The following NCOR2 variants were observed in gnomAD, a reference collection of about 807,000 sequenced individuals.
The protein encoded by NCOR2 is nuclear receptor corepressor 2.
Under a neutral mutation model 262.9 loss-of-function variants are expected in NCOR2, and 81 were observed. The ratio of observed to expected loss-of-function variants is 0.31; its 90% confidence interval spans 0.26 to 0.37. NCOR2 has a LOEUF of 0.37. NCOR2 is among the 10% of genes least tolerant of loss of function. NCOR2 has a pLI of 1.00. For missense variants in NCOR2, 3,385 were observed against 3,621.4 expected (o/e 0.93, Z 1.68); for synonymous variants, 1,659 against 1,559.3 (o/e 1.06, Z -1.51).
At chr12:124,326,468 G>A in intron 45 of NCOR2, 98 bp from the exon 48 acceptor site, 1 of 1,193,482 alleles carries the variant, frequency 8.4e-7, no homozygotes, top group Non-Finnish European at 1.1e-6. Context: ...CCTGCCATGG[G>A]CCCTCCAAAG....
At chr12:124,391,479 A>G (rs1438836523) in intron 16 of NCOR2, among the ~76,000 whole-genome samples, 3 of 135,508 alleles carry the variant, frequency 2.2e-5, no homozygotes, top group Non-Finnish European at 4.8e-5. Flanking sequence ...CCACTTCCTC[A>G]TTTCAGAAAC....
At position 124,482,612 on chromosome 12, in the gene NCOR2, G is replaced by A. The variant is rs760784364; in HGVS notation, c.411+984C>T. Among the ~76,000 whole-genome samples the A allele has an allele frequency of 9.2e-5, 14 of 152,214 alleles. No individual in the cohort carries two copies. The highest frequency in any genetic ancestry group is 1.8e-4 in the Non-Finnish European group (12 of 68,034). On this transcript the variant is annotated intron_variant, in intron 3 of 46. Coordinates refer to ENST00000405201, the Ensembl canonical transcript of NCOR2. The surrounding 1 kb of genome is among the most constrained non-coding windows in gnomAD (Gnocchi z 6.3). The stretch of plus-strand genomic sequence containing the variant: ...CAGTGAGGAAGAAATGGGGATCAGA[G>A]AGGCACAAAGGCAGCACAGCTGTGG...
chr12:124,512,073 G>A (rs192470916), intron 1 of NCOR2, among the ~76,000 whole-genome samples: 72 of 152,208 alleles, frequency 4.7e-4, no homozygotes, highest in Middle Eastern at 3.4e-3. Context: ...CACCACATCC[G>A]GCTAATTTTT....
chr12:124,509,982 A>C (rs1258889059), intron 1 of NCOR2, among the ~76,000 whole-genome samples: 1 of 152,010 alleles, frequency 6.6e-6, no homozygotes, highest in Non-Finnish European at 1.5e-5. Context: ...GTGCTGATAA[A>C]CCTAGGCCAG....
chr12:124,546,919 G>A (rs2051562547), intron 1 of NCOR2, among the ~76,000 whole-genome samples: 1 of 152,194 alleles, frequency 6.6e-6, no homozygotes, highest in South Asian at 2.1e-4. Context: ...TTATCTGACT[G>A]AACAATGGCC....
chr12:124,475,336 C>A (rs1298201375), intron 3 of NCOR2, among the ~76,000 whole-genome samples: 3 of 150,692 alleles, frequency 2.0e-5, no homozygotes, highest in Non-Finnish European at 4.4e-5. Context: ...TCTGCACACC[C>A]CATGAAGTCC....
chr12:124,478,574 C>T (rs1441543051), intron 3 of NCOR2, among the ~76,000 whole-genome samples: 1 of 152,134 alleles, frequency 6.6e-6, no homozygotes, highest in African/African-American at 2.4e-5. Context: ...CCTCTCAACT[C>T]GCTCTCCCAG....
At chr12:124,390,478 A>ACCCCCC (rs34149760) in intron 16 of NCOR2, among the ~76,000 whole-genome samples, 9 of 121,206 alleles carry the variant, frequency 7.4e-5, no homozygotes, top group African/African-American at 2.7e-4. Flanking sequence ...CTCCAAAGTG[A>ACCCCCC]CCCCCCCCCG....
intron 1 of NCOR2, among the ~76,000 whole-genome samples, chr12:124,545,086 T>G (rs774267252): frequency 6.6e-6 from 1 of 151,956 alleles, no homozygotes; most frequent in Non-Finnish European, 1.5e-5. Flanking sequence ...CAGTGCTCAG[T>G]TGAAGCTCAC....
rs1285562030 is a variant in NCOR2 at position 124,549,436 on chromosome 12, C to A, written c.-164-13825G>T. Among the ~76,000 whole-genome samples the A allele has an allele frequency of 6.6e-6, 1 of 152,158 alleles. No homozygotes were observed. Among genetic ancestry groups the A allele is most frequent in the Non-Finnish European group, 1.5e-5 (1 of 68,014 alleles). On this transcript the variant is annotated intron_variant, in intron 1 of 32. Coordinates refer to the NCOR2 transcript ENST00000458234. This position sits in a 1 kb window ranked among gnomAD's most constrained non-coding sequence, Gnocchi z 4.4. ...AATCCCCCTAGGGATCTCTGCTGAGCTGGCTCCTTGGGGGCCTGGGGAGGA... is the reference window on the plus strand; with the variant it reads ...AATCCCCCTAGGGATCTCTGCTGAGATGGCTCCTTGGGGGCCTGGGGAGGA...
At chr12:124,398,284 T>C in intron 15 of NCOR2, 103 bp from the exon 18 acceptor site, 1 of 1,280,940 alleles carries the variant, frequency 7.8e-7, no homozygotes, top group Non-Finnish European at 1.1e-6. Flanking sequence ...GACCAGGCCT[T>C]GACGGTGTCA....
Position 124,457,184 on chromosome 12 carries a change from G to T in NCOR2, c.706-22C>A. Reference sequence around the variant, plus strand: ...TCTTCTGCAGGGTGATGGCGAAGAGGAGGAATTTTTTTAAAAAACAAAAAA... The same window carrying T: ...TCTTCTGCAGGGTGATGGCGAAGAGTAGGAATTTTTTTAAAAAACAAAAAA... On this transcript the variant is annotated intron_variant, in intron 5 of 46. Transcript: ENST00000405201. The surrounding 1 kb of genome is among the most constrained non-coding windows in gnomAD (Gnocchi z 4.0). 1 of 1,535,862 alleles carries T rather than the reference G, an allele frequency of 6.5e-7. No homozygotes were observed. The highest frequency in any genetic ancestry group is 1.3e-5 in the South Asian group (1 of 79,844).
At chr12:124,383,451 G>A (rs946996614) in intron 17 of NCOR2, 78 of 759,254 alleles carry the variant, frequency 1.0e-4, no homozygotes, top group Non-Finnish European at 1.4e-4. Context: ...ACTCAACAGG[G>A]TGCCTTAAGC....
chr12:124,540,388 A>C (rs915702431), upstream of NCOR2, among the ~76,000 whole-genome samples: 10 of 132,524 alleles, frequency 7.5e-5, no homozygotes, highest in African/African-American at 2.9e-4. Flanking sequence ...GGGTTAGAGA[A>C]GCTGGGGCAG....
chr12:124,456,930 C>T (rs2045903885), intron 6 of NCOR2, among the ~76,000 whole-genome samples, 176 bp downstream of exon 8: 1 of 151,918 alleles, frequency 6.6e-6, no homozygotes, highest in African/African-American at 2.4e-5. Flanking sequence ...CCCGCCCACC[C>T]GCTATCTGCC....
chr12:124,356,815 A>G, intron 22 of NCOR2, 33 bp from the exon 25 acceptor site: 1 of 1,443,608 alleles, frequency 6.9e-7, no homozygotes, highest in Non-Finnish European at 9.1e-7. Flanking sequence ...TGCTGAGGGC[A>G]GGAGGTGGGG....
rs1275148604 is a variant in NCOR2, at chr12:124,472,957, T to G, written c.586A>C (p.Lys196Gln). The G allele has an allele frequency of 1.9e-6, 3 of 1,614,034 alleles. No individual in the cohort carries two copies. Among genetic ancestry groups the G allele is most frequent in the Non-Finnish European group, 2.5e-6 (3 of 1,180,018 alleles). Residue 196 changes from lysine (K) to glutamine (Q), a missense_variant, in exon 4 of 47, where the codon AAG (lysine) becomes CAG (glutamine). Around this residue, in one of 5 missense-constraint regions of NCOR2, gnomAD observed 515 missense variants for 781.2 expected, o/e 0.66. Transcript: ENST00000405201. ...CTCCCCCTGCCCATTCACACCTGCT[T>G]CTTCTTCAGCTTAGAGATCTGCTGC...
exon 19 of NCOR2, chr12:124,374,430 C>T: frequency 6.2e-7 from 1 of 1,612,940 alleles, no homozygotes. Flanking sequence ...ACTGCATTCC[C>T]CTCTGGGCAC....
chr12:124,420,238 C>T (rs911248255), intron 12 of NCOR2, among the ~76,000 whole-genome samples, 183 bp from the exon 15 acceptor site: 1 of 152,226 alleles, frequency 6.6e-6, no homozygotes, highest in Non-Finnish European at 1.5e-5. Flanking sequence ...GCTAATTGTA[C>T]ATACTTCACA....
Sources: allele counts gnomAD v4.1 joint callset (sites outside exome capture counted in the v4.1 genomes callset), GRCh38; gene constraint gnomAD v4.1.1; regional missense constraint gnomAD v4.1.1; non-coding constraint Gnocchi (gnomAD v3.1); transcripts MANE v1.5; gene names NCBI Gene and HGNC (gene_info 2026-07-23, HGNC 2026-07-21).